The following GNPNAT1 variants were observed in gnomAD, a reference collection of about 807,000 sequenced individuals.
GNPNAT1 encodes the protein glucosamine-phosphate N-acetyltransferase 1.
In GNPNAT1, 11 loss-of-function variants were observed where a neutral mutation model predicts 19.8. That is an observed-to-expected ratio of 0.56 (90% confidence interval 0.35 to 0.92). GNPNAT1 has a LOEUF of 0.92. Among genes scored for constraint, GNPNAT1 ranks in the 40% least tolerant of loss-of-function variants. The pLI is 0.01. For missense variants in GNPNAT1, 157 were observed against 211.0 expected, an observed-to-expected ratio of 0.74 and a Z score of 1.59; for synonymous variants, 71 against 72.3, an observed-to-expected ratio of 0.98 and a Z score of 0.09.
At chr14:52,788,478 G>T (rs1883075017) in intron 1 of GNPNAT1, among the ~76,000 whole-genome samples, 8 of 152,170 alleles carry the variant, frequency 5.3e-5, no homozygotes, top group Admixed American at 5.2e-4. Context: ...GTGTTTTAGT[G>T]TTTTGTCTAA....
At chr14:52,783,663 A>C (rs1295117332) in intron 2 of GNPNAT1, among the ~76,000 whole-genome samples, 178 bp from the exon 3 acceptor site, 1 of 152,104 alleles carries the variant, frequency 6.6e-6, no homozygotes, top group Non-Finnish European at 1.5e-5. Flanking sequence ...ATATAACAAA[A>C]ATAACAGGTT....
Position 52,784,502 on chromosome 14 carries a change from T to A in GNPNAT1, c.149A>T (p.Asn50Ile). Reference sequence around the variant, plus strand: ...CACAGGATTTTGTACATTACCTCTATTTAAGTCAGCAGTACAAAGAGGCCT... The same window carrying A: ...CACAGGATTTTGTACATTACCTCTAATTAAGTCAGCAGTACAAAGAGGCCT... ...VLRPLCTADL[N>I]RGFFKVLGQL... Residue 50 changes from asparagine to isoleucine, a missense_variant, in exon 2 of 6, where the codon AAT (asparagine) becomes ATT (isoleucine). Transcript: ENST00000216410. The A allele has an allele frequency of 6.4e-7, 1 of 1,572,968 alleles. No homozygotes were observed. Among genetic ancestry groups the A allele is most frequent in the Non-Finnish European group, 8.6e-7 (1 of 1,166,246 alleles).
At chr14:52,784,417 TA>T (rs1234272886) in intron 2 of GNPNAT1, 79 bp downstream of exon 2, 28 of 1,191,172 alleles carry the variant, frequency 2.4e-5, no homozygotes, top group Non-Finnish European at 2.7e-5. Context: ...GTCAAATATT[TA>T]AAAAAAATTA....
rs187390805 is a variant in GNPNAT1 at position 52,776,668 on chromosome 14, G to A, written c.*1643C>T. ...CCTCCCGGGTTCAAGCGATTCTCTC[G>A]CCTCAGCTTCCTGAGTAGCTGGGAT... On this transcript the variant is annotated 3_prime_UTR_variant, in exon 6 of 6. Coordinates refer to ENST00000216410, the MANE Select transcript of GNPNAT1 (RefSeq NM_198066.4). 6.2e-4 allele frequency: 94 copies of A among 152,256 alleles called. No homozygotes were observed. The highest frequency in any genetic ancestry group is 1.4e-3 in the Admixed American group (21 of 15,280). 9.4% of individuals were successfully genotyped at this position (152,256 alleles called of 1,614,324 possible). A position where few individuals can be genotyped will look rare whatever the true frequency, so the allele number is the denominator to read the frequency against.
At chr14:52,788,014 T>C (rs531710149) in intron 1 of GNPNAT1, 13 of 152,228 alleles carry the variant, frequency 8.5e-5, no homozygotes, top group Non-Finnish European at 1.6e-4. Context: ...TTATGCTGCA[T>C]ACACTATACC....
intron 1 of GNPNAT1, among the ~76,000 whole-genome samples, chr14:52,787,261 T>G (rs1204812562): frequency 1.3e-5 from 2 of 152,106 alleles, no homozygotes; most frequent in Admixed American, 1.3e-4. Context: ...ACAGTATGCT[T>G]TAGGGCAAAT....
chr14:52,777,719 T>G lies in GNPNAT1; in HGVS notation c.*592A>C, dbSNP rs1882771851. The stretch of plus-strand genomic sequence containing the variant: ...CAGTAAAACATTTAAATTGTTTTAC[T>G]TTTAATCTTGTCAAGTAATTTTCAT... On this transcript the variant is annotated 3_prime_UTR_variant, in exon 6 of 6. Transcript: ENST00000216410. The G allele has an allele frequency of 6.6e-6, 1 of 152,224 alleles. No homozygotes were observed. The highest frequency in any genetic ancestry group is 1.5e-5 in the Non-Finnish European group (1 of 68,028). 9.4% of individuals were successfully genotyped at this position (152,224 alleles called of 1,614,324 possible). A position where few individuals can be genotyped will look rare whatever the true frequency, so the allele number is the denominator to read the frequency against.
intron 3 of GNPNAT1, 122 bp downstream of exon 3, chr14:52,783,301 A>T (rs563672170): frequency 3.1e-6 from 2 of 635,412 alleles, no homozygotes; most frequent in Non-Finnish European, 5.6e-6. Flanking sequence ...TAAAACAGCT[A>T]ATTTGTTCTT....
At chr14:52,779,675 C>T (rs1034748311) in intron 5 of GNPNAT1, among the ~76,000 whole-genome samples, 1 of 123,624 alleles carries the variant, frequency 8.1e-6, no homozygotes, top group African/African-American at 3.0e-5. Flanking sequence ...GAGCTGTGAT[C>T]GTACCACTGT....
Position 52,776,533 on chromosome 14 carries a change from T to C in GNPNAT1, c.*1778A>G, listed in dbSNP as rs936771584. The C allele has an allele frequency of 6.6e-6, 1 of 152,134 alleles. No individual in the cohort carries two copies. Among genetic ancestry groups the C allele is most frequent in the African/African-American group, 2.4e-5 (1 of 41,424 alleles). The allele number at this position is 152,134 out of a possible 1,614,324, so 9.4% of individuals were successfully genotyped here. ...GTGGTAAGAAAGGTAATAAAGCATTTAGTTGTGCCTTTAAGTAGGCTAATT... is the reference window on the plus strand; with the variant it reads ...GTGGTAAGAAAGGTAATAAAGCATTCAGTTGTGCCTTTAAGTAGGCTAATT... On this transcript the variant is annotated 3_prime_UTR_variant, in exon 6 of 6. Transcript: ENST00000216410.
At chr14:52,789,986 C>CAAAAAAAAAAAAAAAAAAAAAAAAAAA (rs200756037) in intron 1 of GNPNAT1, among the ~76,000 whole-genome samples, 1 of 107,224 alleles carries the variant, frequency 9.3e-6, no homozygotes. Context: ...TCCAGAAGGA[C>CAAAAAAAAAAAAAAAAAAAAAAAAAAA]AAAAAAAAAA....
intron 1 of GNPNAT1, among the ~76,000 whole-genome samples, chr14:52,790,206 CAAGT>C (rs1023631426): frequency 1.3e-5 from 2 of 152,054 alleles, no homozygotes; most frequent in African/African-American, 4.8e-5. Flanking sequence ...CGGAGAGCAA[CAAGT>C]AATAGACACC....
At position 52,777,493 on chromosome 14, in the gene GNPNAT1, CTT is replaced by C. The variant is rs1161675450; in HGVS notation, c.*816_*817del. On this transcript the variant is annotated 3_prime_UTR_variant, in exon 6 of 6. Transcript: ENST00000216410. ...TTGTGATACTCCATTTTTGAAAAAA[CTT>C]AGAGGCTTCAGATACCCATGAAAAG... 6.6e-6 allele frequency: 1 copy of C among 151,870 alleles called. No individual in the cohort carries two copies. The highest frequency in any genetic ancestry group is 1.9e-4 in the East Asian group (1 of 5,192). The allele number at this position is 151,870 out of a possible 1,614,324, so 9.4% of individuals were successfully genotyped here.
intron 1 of GNPNAT1, among the ~76,000 whole-genome samples, chr14:52,787,139 C>CA (rs1883041304): frequency 1.3e-5 from 2 of 151,400 alleles, no homozygotes; most frequent in African/African-American, 4.8e-5. Flanking sequence ...ATTAGAGATC[C>CA]AAAAAAAGCA....
intron 4 of GNPNAT1, 127 bp from the exon 5 acceptor site, chr14:52,780,867 C>CA (rs1882878649): frequency 6.8e-6 from 4 of 589,978 alleles, no homozygotes; most frequent in Non-Finnish European, 1.2e-5. Flanking sequence ...AAATCAAATG[C>CA]AAAAAATATT....
chr14:52,781,291 G>A (rs112476807), intron 4 of GNPNAT1, among the ~76,000 whole-genome samples: 18 of 152,074 alleles, frequency 1.2e-4, no homozygotes, highest in African/African-American at 4.3e-4. Context: ...AAACCCCACC[G>A]AAATTCCTAA....
intron 3 of GNPNAT1, 38 bp from the exon 4 acceptor site, chr14:52,781,949 A>T (rs776583474): frequency 3.3e-6 from 5 of 1,535,706 alleles, no homozygotes; most frequent in Non-Finnish European, 4.4e-6. Context: ...CATAGTAGAC[A>T]TTCAATTTTA....
intron 4 of GNPNAT1, 124 bp from the exon 5 acceptor site, chr14:52,780,864 A>C: frequency 1.7e-6 from 1 of 604,434 alleles, no homozygotes; most frequent in Non-Finnish European, 2.9e-6. Flanking sequence ...CAGAAATCAA[A>C]TGCAAAAAAT....
intron 1 of GNPNAT1, among the ~76,000 whole-genome samples, chr14:52,788,973 C>T (rs1369423635): frequency 1.3e-5 from 2 of 152,164 alleles, no homozygotes; most frequent in African/African-American, 4.8e-5. Context: ...TTGGCTAACA[C>T]TTATTGAAAA....
Sources: gnomAD v4.1 joint callset for allele counts (sites outside exome capture counted in the v4.1 genomes callset) on GRCh38, gnomAD v4.1.1 for gene constraint, MANE v1.5 for transcripts, NCBI Gene and HGNC (gene_info 2026-07-23, HGNC 2026-07-21) for gene names.